The following LRSAM1 variants were observed in gnomAD, a reference collection of about 807,000 sequenced individuals.
LRSAM1 encodes E3 ubiquitin-protein ligase LRSAM1.
LRSAM1 carries 96 observed loss-of-function variants against 118.1 expected under a neutral mutation model. That is an observed-to-expected ratio of 0.81 (90% CI 0.69 to 0.96). The LOEUF (loss-of-function observed/expected upper bound fraction) is 0.96. Ranked by LOEUF, LRSAM1 falls within the 40% of genes least tolerant of loss-of-function variation. LRSAM1 has a pLI of 0.00. For missense variants in LRSAM1, 804 were observed against 915.5 expected, an observed-to-expected ratio of 0.88 and a Z score of 1.57; for synonymous variants, 322 against 364.2, an observed-to-expected ratio of 0.88 and a Z score of 1.32.
intron 13 of LRSAM1, 121 bp downstream of exon 13, chr9:127,479,626 T>C: frequency 1.4e-6 from 2 of 1,473,820 alleles, no homozygotes; most frequent in African/African-American, 1.4e-5. Context: ...CTTCCTTCTG[T>C]CCCCCAGCAC....
chr9:127,464,197 A>T (rs896934816), intron 9 of LRSAM1, among the ~76,000 whole-genome samples: 18 of 152,228 alleles, frequency 1.2e-4, no homozygotes, highest in Non-Finnish European at 1.0e-4. Flanking sequence ...GACTGACCTC[A>T]GCAGCTGGGG....
At chr9:127,492,589 G>A in intron 20 of LRSAM1, among the ~76,000 whole-genome samples, 1 of 152,230 alleles carries the variant, frequency 6.6e-6, no homozygotes, top group Non-Finnish European at 1.5e-5. Flanking sequence ...CAGTCACCAG[G>A]ATCCCATGCC....
Position 127,459,072 on chromosome 9 carries a change from G to T in LRSAM1, c.321+1G>T, listed in dbSNP as rs1356148344. On this transcript the variant is annotated splice_donor_variant, in intron 7 of 25. Coordinates refer to ENST00000300417, the MANE Select transcript of LRSAM1 (RefSeq NM_001005373.4). LOFTEE classifies it high-confidence loss of function. Reference sequence around the variant, plus strand: ...TCTGGGGCAGCTGACTGCCCTCCAGGTAAGGCTGCAGAAACAGAAACCCAC... The same window carrying T: ...TCTGGGGCAGCTGACTGCCCTCCAGTTAAGGCTGCAGAAACAGAAACCCAC... The T allele has an allele frequency of 1.9e-6, 3 of 1,613,480 alleles. No individual in the cohort carries two copies. Among genetic ancestry groups the T allele is most frequent in the East Asian group, 4.5e-5 (2 of 44,886 alleles).
At chr9:127,470,599 C>A (rs1308865898) in intron 10 of LRSAM1, among the ~76,000 whole-genome samples, 1 of 152,064 alleles carries the variant, frequency 6.6e-6, no homozygotes, top group Non-Finnish European at 1.5e-5. Flanking sequence ...CCAGTCCAAC[C>A]TGGAAACAGC....
chr9:127,483,528 C>G (rs2132074602), intron 16 of LRSAM1, among the ~76,000 whole-genome samples: 1 of 152,112 alleles, frequency 6.6e-6, no homozygotes, highest in Non-Finnish European at 1.5e-5. Flanking sequence ...TGCTGTGGCA[C>G]TCTGCAGTAT....
chr9:127,493,068 ATTTG>A (rs372491221), intron 21 of LRSAM1, among the ~76,000 whole-genome samples, 171 bp downstream of exon 21: 16 of 152,148 alleles, frequency 1.1e-4, no homozygotes, highest in Admixed American at 7.9e-4. Context: ...GCCATTTTTT[ATTTG>A]TTTGTTTGAG....
Position 127,462,262 on chromosome 9 carries a change from G to A in LRSAM1, c.417G>A (p.Leu139=). 6.2e-7 allele frequency: 1 copy of A among 1,614,114 alleles called. No homozygotes were observed. Among genetic ancestry groups the A allele is most frequent in the Non-Finnish European group, 8.5e-7 (1 of 1,180,014 alleles). The change falls in exon 9 of 26, where the codon CTG becomes CTA. Residue 139 remains leucine, a synonymous_variant. Coordinates refer to ENST00000300417, the MANE Select transcript of LRSAM1 (RefSeq NM_001005373.4). ...TTGGGGTCTCTGCAGACAACAAGCT[G>A]AAGGAGCTTCCAGACACCGTGGGGG... ...LQTLNVKDNK[L]KELPDTVGEL...
intron 9 of LRSAM1, among the ~76,000 whole-genome samples, chr9:127,464,201 G>T (rs1834848855): frequency 6.6e-6 from 1 of 152,254 alleles, no homozygotes; most frequent in South Asian, 2.1e-4. Context: ...GACCTCAGCA[G>T]CTGGGGCCCT....
chr9:127,476,567 AAACTC>A (rs1401855709), intron 11 of LRSAM1, among the ~76,000 whole-genome samples: 2 of 152,138 alleles, frequency 1.3e-5, no homozygotes, highest in Non-Finnish European at 2.9e-5. Flanking sequence ...AAGAAAAAGA[AAACTC>A]AAAACAAAAA....
chr9:127,492,898 G>C lies in LRSAM1; in HGVS notation c.1599+1G>C. On this transcript the variant is annotated splice_donor_variant, in intron 21 of 25. Coordinates refer to ENST00000300417, the MANE Select transcript of LRSAM1 (RefSeq NM_001005373.4). LOFTEE classifies it high-confidence loss of function. ...AGAGGAAGAGCTCCGGGAAATCCTGGTATGTGTTTGGCTTCTGTGCTCAGC... is the reference window on the plus strand; with the variant it reads ...AGAGGAAGAGCTCCGGGAAATCCTGCTATGTGTTTGGCTTCTGTGCTCAGC... 6.2e-7 allele frequency: 1 copy of C among 1,613,770 alleles called. No homozygotes were observed. The highest frequency in any genetic ancestry group is 1.1e-5 in the South Asian group (1 of 91,056).
chr9:127,463,422 G>A (rs762394174), intron 9 of LRSAM1, among the ~76,000 whole-genome samples: 4 of 152,014 alleles, frequency 2.6e-5, no homozygotes, highest in Non-Finnish European at 4.4e-5. Context: ...CAGGCCAGGG[G>A]AGTTCTATAG....
intron 8 of LRSAM1, among the ~76,000 whole-genome samples, chr9:127,461,471 G>A (rs1248419551): frequency 2.0e-5 from 3 of 152,208 alleles, no homozygotes; most frequent in Non-Finnish European, 4.4e-5. Flanking sequence ...TGAGAGCCAG[G>A]GCCGTATGGC....
chr9:127,460,800 A>C (rs1834706364), intron 7 of LRSAM1, among the ~76,000 whole-genome samples: 1 of 145,020 alleles, frequency 6.9e-6, no homozygotes, highest in Admixed American at 6.9e-5. Context: ...GGGGGTCATC[A>C]CTGTGGTCTG....
At chr9:127,466,549 C>T (rs1436932121) in intron 9 of LRSAM1, among the ~76,000 whole-genome samples, 3 of 107,756 alleles carry the variant, frequency 2.8e-5, no homozygotes, top group Non-Finnish European at 5.1e-5. Flanking sequence ...GATGGGGTCT[C>T]GCTATGTTGC....
rs1181575879 is a variant in LRSAM1 at position 127,489,488 on chromosome 9, A to C, written c.1392A>C (p.Lys464Asn). 6.2e-7 allele frequency: 1 copy of C among 1,610,244 alleles called. No homozygotes were observed. Among genetic ancestry groups the C allele is most frequent in the Non-Finnish European group, 8.5e-7 (1 of 1,178,832 alleles). The change falls in exon 19 of 26, where the codon AAA becomes AAC. Residue 464 changes from lysine to asparagine, a missense_variant. By Grantham distance (94) the Lys-to-Asn change is moderately conservative (BLOSUM62 0). Coordinates refer to ENST00000300417, the MANE Select transcript of LRSAM1 (RefSeq NM_001005373.4). ...CGTTCGAGGCACTCCAGGTGAAGAA[A>C]GACCTGATGCATCGGCAGATCAGGA... ...KAAFEALQVK[K>N]DLMHRQIRSQ...
chr9:127,483,560 T>C (rs529995344), intron 16 of LRSAM1, among the ~76,000 whole-genome samples: 208 of 152,322 alleles, frequency 1.4e-3, no homozygotes, highest in Non-Finnish European at 2.5e-3. Flanking sequence ...TAGCATGTTA[T>C]CAGGGGGAGT....
intron 10 of LRSAM1, among the ~76,000 whole-genome samples, chr9:127,473,089 T>A (rs568404372): frequency 6.6e-6 from 1 of 152,342 alleles, no homozygotes; most frequent in East Asian, 1.9e-4. Flanking sequence ...AGAGAGCCCA[T>A]TATTATTCTA....
chr9:127,492,376 C>T (rs1835963440), intron 20 of LRSAM1, among the ~76,000 whole-genome samples: 2 of 152,198 alleles, frequency 1.3e-5, no homozygotes, highest in African/African-American at 4.8e-5. Context: ...CTGTTGGGGC[C>T]CCCATGGGGT....
intron 23 of LRSAM1, among the ~76,000 whole-genome samples, chr9:127,496,814 C>T (rs1836163905): frequency 6.6e-6 from 1 of 152,216 alleles, no homozygotes; most frequent in Admixed American, 6.5e-5. Context: ...CACTGAGGGT[C>T]ACAAGGCCAT....
Sources: allele counts gnomAD v4.1 joint callset (sites outside exome capture counted in the v4.1 genomes callset), GRCh38; gene constraint gnomAD v4.1.1; transcripts MANE v1.5; gene names NCBI Gene and HGNC (gene_info 2026-07-23, HGNC 2026-07-21).